The following AKT3 variants were observed in gnomAD, a reference collection of about 807,000 sequenced individuals.
AKT3 encodes the protein RAC-gamma serine/threonine-protein kinase.
In AKT3, 15 loss-of-function variants were observed where a neutral mutation model predicts 65.3. The observed-to-expected ratio is 0.23, with a 90% CI of 0.15 to 0.35. The LOEUF (loss-of-function observed/expected upper bound fraction) is 0.35. Among genes scored for constraint, AKT3 ranks in the 10% least tolerant of loss-of-function variants. The pLI, the probability that AKT3 is intolerant of heterozygous loss-of-function variation, is 1.00. For missense variants in AKT3, 243 were observed against 576.5 expected, an observed-to-expected ratio of 0.42 and a Z score of 5.92; for synonymous variants, 206 against 183.8, an observed-to-expected ratio of 1.12 and a Z score of -0.98.
chr1:243,631,375 G>C (rs1052948705), intron 6 of AKT3, among the ~76,000 whole-genome samples: 1 of 152,110 alleles, frequency 6.6e-6, no homozygotes, highest in South Asian at 2.1e-4. Context: ...GCAGTGGCAC[G>C]ATCTTGGTAT....
intron 12 of AKT3, among the ~76,000 whole-genome samples, chr1:243,516,641 A>AC (rs201419738): frequency 1.3e-5 from 2 of 151,374 alleles, no homozygotes; most frequent in African/African-American, 4.9e-5. Context: ...AAGCCTCAAA[A>AC]CTCCTGGCCT....
intron 12 of AKT3, among the ~76,000 whole-genome samples, chr1:243,530,124 C>G (rs1466009103): frequency 6.6e-6 from 1 of 152,036 alleles, no homozygotes; most frequent in Admixed American, 6.6e-5. Context: ...GCATAGGAAT[C>G]CTGATTTTTG....
intron 9 of AKT3, among the ~76,000 whole-genome samples, chr1:243,566,940 T>C (rs1674199579): frequency 6.6e-6 from 1 of 152,214 alleles, no homozygotes; most frequent in Admixed American, 6.5e-5. Flanking sequence ...GTTGGCTCAA[T>C]GACTGCATTA....
chr1:243,825,087 A>G (rs1481319040), intron 2 of AKT3, among the ~76,000 whole-genome samples: 1 of 152,190 alleles, frequency 6.6e-6, no homozygotes, highest in Non-Finnish European at 1.5e-5. Context: ...AAGGAACAAG[A>G]TCACGTCCTT....
At chr1:243,664,186 T>A (rs1427467062) in intron 4 of AKT3, among the ~76,000 whole-genome samples, 2 of 12,904 alleles carry the variant, frequency 1.5e-4, no homozygotes, top group Non-Finnish European at 2.6e-4. Flanking sequence ...TAAAAATGTC[T>A]TTTTTTTTTT....
intron 2 of AKT3, among the ~76,000 whole-genome samples, chr1:243,800,659 A>C (rs1398853987): frequency 6.6e-6 from 1 of 152,082 alleles, no homozygotes; most frequent in Non-Finnish European, 1.5e-5. Flanking sequence ...CAGAGGTTGC[A>C]GTGAGCCAAG....
intron 10 of AKT3, among the ~76,000 whole-genome samples, chr1:243,555,891 A>T (rs943414853): frequency 6.6e-6 from 1 of 152,160 alleles, no homozygotes; most frequent in African/African-American, 2.4e-5. Flanking sequence ...CCCAAACTTT[A>T]AATAGGAAAG....
intron 6 of AKT3, among the ~76,000 whole-genome samples, chr1:243,621,809 C>T (rs1002993525): frequency 6.6e-6 from 1 of 151,930 alleles, no homozygotes; most frequent in African/African-American, 2.4e-5. Flanking sequence ...TCTCCAACTC[C>T]TTTTTTTTCC....
chr1:243,678,005 T>C (rs1412047311), intron 3 of AKT3, among the ~76,000 whole-genome samples: 1 of 152,016 alleles, frequency 6.6e-6, no homozygotes, highest in Non-Finnish European at 1.5e-5. Flanking sequence ...GGAGAATTGC[T>C]TGAATCTGGG....
intron 2 of AKT3, chr1:243,739,557 C>T (rs1281282903): frequency 6.6e-6 from 1 of 152,214 alleles, no homozygotes; most frequent in Non-Finnish European, 1.5e-5. Context: ...TGGCCCATGG[C>T]TACTTTGTTG....
chr1:243,836,685 T>G (rs1694912923), intron 2 of AKT3, among the ~76,000 whole-genome samples: 1 of 151,128 alleles, frequency 6.6e-6, no homozygotes, highest in South Asian at 2.1e-4. Flanking sequence ...CCAAGGCGGG[T>G]GGATCACCTG....
intron 6 of AKT3, among the ~76,000 whole-genome samples, chr1:243,631,673 G>A (rs1679624108): frequency 6.6e-6 from 1 of 152,206 alleles, no homozygotes; most frequent in Admixed American, 6.5e-5. Flanking sequence ...CGCATGCCAT[G>A]CTGCTTATCC....
At chr1:243,536,721 T>C (rs996752304) in intron 12 of AKT3, among the ~76,000 whole-genome samples, 1 of 152,178 alleles carries the variant, frequency 6.6e-6, no homozygotes, top group Non-Finnish European at 1.5e-5. Context: ...GAAATAACAC[T>C]GGTTTTGACA....
chr1:243,814,796 G>A (rs1237308182), intron 2 of AKT3: 2 of 152,190 alleles, frequency 1.3e-5, no homozygotes, highest in African/African-American at 4.8e-5. Context: ...CACAGTTTCT[G>A]TTGGGTCAGG....
chr1:243,529,148 C>CTTTTTTTTTTTTTTTTTTTAATTTTTT (rs1057499486), intron 12 of AKT3, among the ~76,000 whole-genome samples: 1 of 128,280 alleles, frequency 7.8e-6, no homozygotes, highest in Non-Finnish European at 1.7e-5. Context: ...TGTAATGGAG[C>CTTTTTTTTTTTTTTTTTTTAATTTTTT]TTTTTTTTTT....
chr1:243,781,017 A>T (rs1449699501), intron 2 of AKT3, among the ~76,000 whole-genome samples: 8 of 152,126 alleles, frequency 5.3e-5, no homozygotes, highest in African/African-American at 2.4e-5. Flanking sequence ...AATTCTTTTT[A>T]AAAAATCCAA....
chr1:243,782,011 T>A (rs983150259), intron 2 of AKT3, among the ~76,000 whole-genome samples: 2 of 152,108 alleles, frequency 1.3e-5, no homozygotes, highest in African/African-American at 4.8e-5. Context: ...TTTGTAGAAG[T>A]GGAGTCTTGC....
intron 6 of AKT3, chr1:243,624,764 C>T (rs1679022299): frequency 4.9e-6 from 1 of 203,002 alleles, no homozygotes; most frequent in Non-Finnish European, 1.1e-5. Context: ...TCTTTGTCAT[C>T]CCATTTCTGT....
intron 3 of AKT3, among the ~76,000 whole-genome samples, chr1:243,669,318 G>A (rs1352415351): frequency 6.6e-6 from 1 of 152,156 alleles, no homozygotes; most frequent in African/African-American, 2.4e-5. Flanking sequence ...GGCTTTAAAC[G>A]TAAAGAATGG....
Sources: gnomAD v4.1 joint callset for allele counts (sites outside exome capture counted in the v4.1 genomes callset) on GRCh38, gnomAD v4.1.1 for gene constraint, MANE v1.5 for transcripts, NCBI Gene and HGNC (gene_info 2026-07-23, HGNC 2026-07-21) for gene names.